Variants in GRIP1 observed in about 807,000 individuals in gnomAD.
The protein encoded by GRIP1 is glutamate receptor-interacting protein 1.
A neutral mutation model predicts 129.9 loss-of-function variants in GRIP1; 45 were observed. That is an observed-to-expected ratio of 0.35 (90% CI 0.27 to 0.44). The LOEUF (loss-of-function observed/expected upper bound fraction) is 0.44. Among genes scored for constraint, GRIP1 ranks in the 20% least tolerant of loss-of-function variants. The probability of loss-of-function intolerance (pLI) is 1.00; values close to 1 mark genes in which losing one functional copy is unlikely to be tolerated. For missense variants in GRIP1, 1,196 were observed against 1,396.8 expected (o/e 0.86, Z 2.29); for synonymous variants, 530 against 520.8 (o/e 1.02, Z -0.24).
chr12:66,785,504 C>A (rs1315143639), intron 1 of GRIP1, among the ~76,000 whole-genome samples: 48 of 151,254 alleles, frequency 3.2e-4, no homozygotes, highest in Non-Finnish European at 7.1e-4. Context: ...ACAGCAAGAC[C>A]CTGTCTCAAA....
intron 1 of GRIP1, among the ~76,000 whole-genome samples, chr12:67,001,556 C>G (rs1334483352): frequency 2.0e-5 from 3 of 152,128 alleles, no homozygotes; most frequent in Admixed American, 2.0e-4. Flanking sequence ...AATTAATTAT[C>G]CAAACATAAT....
chr12:66,907,597 T>C (rs1592944704), intron 1 of GRIP1, among the ~76,000 whole-genome samples: 1 of 151,788 alleles, frequency 6.6e-6, no homozygotes, highest in Non-Finnish European at 1.5e-5. Flanking sequence ...GGAGCAAGAG[T>C]GTTCCAGGAA....
chr12:66,517,954 A>T lies in GRIP1; in HGVS notation c.525T>A (p.Asn175Lys). The T allele has an allele frequency of 1.3e-6, 2 of 1,594,484 alleles. No homozygotes were observed. The highest frequency in any genetic ancestry group is 1.7e-6 in the Non-Finnish European group (2 of 1,162,300). ...VIRGGAHDDR[N>K]KSRPVVITCV... The stretch of plus-strand genomic sequence containing the variant: ...ATGTTATCACAACTGGACGAGATTT[A>T]TTTCTATCATCATGTGCTCCCCCTA... The change falls in exon 6 of 25, where the codon AAT becomes AAA. Residue 175 changes from asparagine (N) to lysine (K), a missense_variant. By Grantham distance (94) the Asn-to-Lys change is moderately conservative (BLOSUM62 0). This residue lies in a region of GRIP1 where 217 missense variants were observed against 224.8 expected (regional missense o/e 0.97). Transcript: ENST00000359742.
intron 1 of GRIP1, among the ~76,000 whole-genome samples, chr12:66,656,570 C>T (rs1312833175): frequency 6.6e-6 from 1 of 152,018 alleles, no homozygotes; most frequent in African/African-American, 2.4e-5. Context: ...TATGGTACGG[C>T]ATATTTCACT....
chr12:66,616,208 T>A (rs2065032943), intron 1 of GRIP1, among the ~76,000 whole-genome samples: 1 of 152,012 alleles, frequency 6.6e-6, no homozygotes, highest in South Asian at 2.1e-4. Flanking sequence ...TTCCTGAAAA[T>A]CAAGAGAGGC....
chr12:66,854,364 CACAG>C (rs1385916015), intron 1 of GRIP1, among the ~76,000 whole-genome samples: 2 of 146,468 alleles, frequency 1.4e-5, no homozygotes, highest in Non-Finnish European at 3.0e-5. Flanking sequence ...TAAGCCAGCT[CACAG>C]ACAGCCTTGT....
intron 1 of GRIP1, among the ~76,000 whole-genome samples, chr12:67,029,593 A>C (rs1361444305): frequency 6.6e-6 from 1 of 151,710 alleles, no homozygotes; most frequent in East Asian, 1.9e-4. Context: ...AAAAAAAAAA[A>C]AAAAAGCCAA....
chr12:67,010,157 A>G (rs935157479), intron 1 of GRIP1, among the ~76,000 whole-genome samples: 7 of 152,196 alleles, frequency 4.6e-5, no homozygotes, highest in African/African-American at 1.7e-4. Context: ...AAGGATATAT[A>G]TTTATGAAAT....
chr12:66,410,034 A>C (rs1342500936), intron 15 of GRIP1, among the ~76,000 whole-genome samples: 1 of 149,686 alleles, frequency 6.7e-6, no homozygotes, highest in Non-Finnish European at 1.5e-5. Context: ...GCGGATCACG[A>C]GGTCAGGAGA....
intron 1 of GRIP1, among the ~76,000 whole-genome samples, chr12:66,666,251 T>G (rs767345022): frequency 7.2e-5 from 11 of 152,190 alleles, no homozygotes; most frequent in Admixed American, 2.0e-4. Context: ...AATACTATGA[T>G]GGAATCCCTA....
chr12:66,890,178 C>T (rs2040634414), intron 1 of GRIP1, among the ~76,000 whole-genome samples: 1 of 152,130 alleles, frequency 6.6e-6, no homozygotes, highest in South Asian at 2.1e-4. Flanking sequence ...ATGTTCCCAC[C>T]TCAGCCTCCC....
chr12:66,433,559 T>C (rs539669657), intron 13 of GRIP1, among the ~76,000 whole-genome samples: 2 of 152,218 alleles, frequency 1.3e-5, no homozygotes, highest in Non-Finnish European at 2.9e-5. Flanking sequence ...AGAGCTAAGC[T>C]GATTTTATCC....
intron 14 of GRIP1, among the ~76,000 whole-genome samples, chr12:66,425,407 T>C (rs1286223074): frequency 2.0e-5 from 3 of 152,306 alleles, no homozygotes; most frequent in South Asian, 2.1e-4. Context: ...TTGTAGAAGA[T>C]AGTGTGGCAA....
rs2043402047 is a variant in GRIP1 at position 67,054,568 on chromosome 12, A to T, written c.58+14482T>A. ...CATCTCAGGCCAGCAGTTCAAGACT[A>T]GCCTGGCCAAAATGGCAAAACCCCG... On this transcript the variant is annotated intron_variant, in intron 1 of 1. Transcript: ENST00000643019. Among the ~76,000 whole-genome samples, 5 of 152,264 alleles carry T rather than the reference A, an allele frequency of 3.3e-5. No homozygotes were observed. In the South Asian group the frequency reaches 1.0e-3, roughly 32 times the overall value.
At chr12:66,789,611 T>C (rs1277438649) in intron 1 of GRIP1, among the ~76,000 whole-genome samples, 2 of 149,082 alleles carry the variant, frequency 1.3e-5, no homozygotes, top group African/African-American at 2.4e-5. Flanking sequence ...TAATTTGCTG[T>C]TTACTGTCAT....
chr12:66,460,371 T>C (rs1210537304), intron 9 of GRIP1, among the ~76,000 whole-genome samples: 1 of 152,232 alleles, frequency 6.6e-6, no homozygotes, highest in African/African-American at 2.4e-5. Flanking sequence ...TCTTACTCTG[T>C]TCAGGATGTT....
At chr12:66,891,654 G>T (rs17103065) in intron 1 of GRIP1, among the ~76,000 whole-genome samples, 1 of 152,162 alleles carries the variant, frequency 6.6e-6, no homozygotes, top group Non-Finnish European at 1.5e-5. Context: ...GCTCCTTAAA[G>T]ACGACAAGGA....
chr12:66,658,007 C>T (rs912434148), intron 1 of GRIP1, among the ~76,000 whole-genome samples: 11 of 152,222 alleles, frequency 7.2e-5, no homozygotes, highest in African/African-American at 2.6e-4. Flanking sequence ...TTCTCACACC[C>T]TAAGAAGGTA....
chr12:66,930,511 G>T (rs12820755), intron 1 of GRIP1, among the ~76,000 whole-genome samples: 2 of 150,474 alleles, frequency 1.3e-5, no homozygotes, highest in South Asian at 2.1e-4. Context: ...TATCATTGTT[G>T]GACATTTGGG....
Sources: allele counts gnomAD v4.1 joint callset (sites outside exome capture counted in the v4.1 genomes callset), GRCh38; gene constraint gnomAD v4.1.1; regional missense constraint gnomAD v4.1.1; transcripts MANE v1.5; gene names NCBI Gene and HGNC (gene_info 2026-07-23, HGNC 2026-07-21).